POU2F1: variants seen among roughly 807,000 people sequenced by gnomAD.
POU2F1 encodes the protein POU class 2 homeobox 1.
In POU2F1, 16 loss-of-function variants were observed where a neutral mutation model predicts 84.9. That is an observed-to-expected ratio of 0.19 (90% CI 0.13 to 0.29). POU2F1 has a LOEUF of 0.29. POU2F1 is among the 10% of genes least tolerant of loss of function. The pLI, the probability that POU2F1 is intolerant of heterozygous loss-of-function variation, is 1.00. For synonymous variants in POU2F1, 368 were observed against 368.3 expected (o/e 1.00, Z 0.01); for missense variants, 738 against 942.6 (o/e 0.78, Z 2.84).
intron 2 of POU2F1, among the ~76,000 whole-genome samples, chr1:167,356,557 G>T (rs576542708): frequency 6.6e-6 from 1 of 152,240 alleles, no homozygotes; most frequent in African/African-American, 2.4e-5. Flanking sequence ...GTTACCGGTA[G>T]AAGGTATTTG....
chr1:167,409,423 G>A (rs971574018), intron 13 of POU2F1, among the ~76,000 whole-genome samples: 1 of 152,110 alleles, frequency 6.6e-6, no homozygotes, highest in African/African-American at 2.4e-5. Flanking sequence ...TTGAGGCTCA[G>A]CAACAATAAG....
chr1:167,373,329 C>T (rs890085435), intron 5 of POU2F1, among the ~76,000 whole-genome samples: 9 of 152,154 alleles, frequency 5.9e-5, no homozygotes, highest in Admixed American at 5.2e-4. Context: ...ATGAAAACAA[C>T]TTTAAATATG....
chr1:167,260,445 T>C (rs1651472103), intron 1 of POU2F1, among the ~76,000 whole-genome samples: 1 of 152,230 alleles, frequency 6.6e-6, no homozygotes, highest in African/African-American at 2.4e-5. Context: ...GAAAGCTGTC[T>C]CTTCCAGATC....
chr1:167,319,005 T>TGA (rs1656122793), intron 1 of POU2F1: 1 of 153,690 alleles, frequency 6.5e-6, no homozygotes, highest in African/African-American at 2.4e-5. Context: ...GTTGTCCTGC[T>TGA]TTCCTCAGGT....
At chr1:167,277,581 A>C (rs2102488154) in intron 1 of POU2F1, among the ~76,000 whole-genome samples, 1 of 151,526 alleles carries the variant, frequency 6.6e-6, no homozygotes, top group South Asian at 2.1e-4. Context: ...AAAGCCTCGG[A>C]TTACAGGCAT....
chr1:167,391,995 G>GT (rs562908989), intron 9 of POU2F1, among the ~76,000 whole-genome samples: 239 of 152,236 alleles, frequency 1.6e-3, no homozygotes, highest in Middle Eastern at 3.4e-3. Flanking sequence ...TTGTGAAGAA[G>GT]CAAATTATCC....
intron 1 of POU2F1, among the ~76,000 whole-genome samples, chr1:167,273,229 T>C (rs1455078897): frequency 6.6e-6 from 1 of 152,168 alleles, no homozygotes; most frequent in Non-Finnish European, 1.5e-5. Context: ...GTACAGCCCC[T>C]CGGCTGTCTT....
At chr1:167,236,485 TACA>T (rs1649465491) in intron 1 of POU2F1, among the ~76,000 whole-genome samples, 1 of 152,218 alleles carries the variant, frequency 6.6e-6, no homozygotes, top group South Asian at 2.1e-4. Context: ...TTTTCAAATG[TACA>T]ACAATGATTT....
chr1:167,398,264 G>A (rs564201084), intron 11 of POU2F1, 131 bp downstream of exon 11: 5 of 1,117,098 alleles, frequency 4.5e-6, no homozygotes, highest in Non-Finnish European at 6.3e-6. Flanking sequence ...ATAAATAGGT[G>A]AAGTAAGTAA....
At chr1:167,326,621 T>A (rs1010704958) in intron 1 of POU2F1, among the ~76,000 whole-genome samples, 4 of 152,086 alleles carry the variant, frequency 2.6e-5, no homozygotes, top group African/African-American at 9.7e-5. Context: ...TTTTTCTGGG[T>A]GAGCTTTGCA....
chr1:167,329,282 C>A lies in POU2F1; in HGVS notation c.62-3188C>A. The A allele has an allele frequency of 2.6e-6, 4 of 1,548,580 alleles. No homozygotes were observed. In the East Asian group the frequency reaches 9.8e-5, roughly 38 times the overall value. ...TCCTCTAGAAGATTTCACAGCAATG[C>A]TGGACTGCAGTGACTATGTTCTAGG... is the stretch of plus-strand genomic sequence containing the variant. On this transcript the variant is annotated intron_variant, in intron 1 of 15. Coordinates refer to ENST00000367866, the MANE Select transcript of POU2F1 (RefSeq NM_002697.4).
chr1:167,366,256 T>G (rs1332598687), intron 3 of POU2F1, among the ~76,000 whole-genome samples: 1 of 152,246 alleles, frequency 6.6e-6, no homozygotes, highest in African/African-American at 2.4e-5. Context: ...ATTATCAGAG[T>G]GTCTCAACCT....
At chr1:167,244,142 C>G (rs952640892) in intron 1 of POU2F1, among the ~76,000 whole-genome samples, 2 of 152,088 alleles carry the variant, frequency 1.3e-5, no homozygotes, top group African/African-American at 4.8e-5. Flanking sequence ...AGAATATGGA[C>G]TCAGGAACTT....
chr1:167,387,212 G>GC (rs1230702241), intron 8 of POU2F1: 1 of 456,010 alleles, frequency 2.2e-6, no homozygotes, highest in Non-Finnish European at 4.4e-6. Flanking sequence ...GGTTTCTGGA[G>GC]CTGGGGTAAC....
At chr1:167,264,609 C>A (rs554350343) in intron 1 of POU2F1, among the ~76,000 whole-genome samples, 2 of 152,246 alleles carry the variant, frequency 1.3e-5, no homozygotes, top group East Asian at 3.9e-4. Flanking sequence ...ATAATATATC[C>A]AAAATTCAGC....
chr1:167,310,338 A>T (rs1030562668), intron 1 of POU2F1, among the ~76,000 whole-genome samples: 1 of 152,116 alleles, frequency 6.6e-6, no homozygotes, highest in African/African-American at 2.4e-5. Context: ...ATCACAAAGG[A>T]AGTAGTAAAT....
chr1:167,235,099 T>C (rs1649350571), intron 1 of POU2F1, among the ~76,000 whole-genome samples: 1 of 152,198 alleles, frequency 6.6e-6, no homozygotes, highest in Non-Finnish European at 1.5e-5. Context: ...AAGTCAGCTA[T>C]TTCATGGCAT....
chr1:167,224,825 C>CTTTTTT (rs774351969), intron 1 of POU2F1, among the ~76,000 whole-genome samples: 2 of 122,214 alleles, frequency 1.6e-5, no homozygotes, highest in Non-Finnish European at 3.4e-5. Context: ...TCACTGTCTT[C>CTTTTTT]TTTTTTTTTT....
chr1:167,268,149 T>A (rs778635638), intron 1 of POU2F1, among the ~76,000 whole-genome samples: 1 of 152,188 alleles, frequency 6.6e-6, no homozygotes, highest in Non-Finnish European at 1.5e-5. Context: ...AGACATTTTC[T>A]TACTATTATT....
Sources: gnomAD v4.1 joint callset for allele counts (sites outside exome capture counted in the v4.1 genomes callset) on GRCh38, gnomAD v4.1.1 for gene constraint, MANE v1.5 for transcripts, NCBI Gene and HGNC (gene_info 2026-07-23, HGNC 2026-07-21) for gene names.